Variants in RIMS1 observed in about 807,000 individuals in gnomAD.
The protein encoded by RIMS1 is regulating synaptic membrane exocytosis 1.
Under a neutral mutation model 214.1 loss-of-function variants are expected in RIMS1, and 83 were observed. The observed-to-expected ratio is 0.39, with a 90% CI of 0.32 to 0.47. RIMS1 has a LOEUF of 0.47. Among genes scored for constraint, RIMS1 ranks in the 20% least tolerant of loss-of-function variants. The pLI is 0.99. For synonymous variants in RIMS1, 793 were observed against 786.8 expected (o/e 1.01, Z -0.13); for missense variants, 2,050 against 2,161.8 (o/e 0.95, Z 1.03).
intron 2 of RIMS1, among the ~76,000 whole-genome samples, chr6:72,013,100 C>T (rs1331777072): frequency 6.6e-6 from 1 of 152,130 alleles, no homozygotes; most frequent in African/African-American, 2.4e-5. Context: ...CTCTTAAAGT[C>T]CCTTCAAGCA....
At chr6:72,294,173 A>G (rs1379414741) in intron 26 of RIMS1, among the ~76,000 whole-genome samples, 7 of 151,860 alleles carry the variant, frequency 4.6e-5, no homozygotes, top group Non-Finnish European at 8.9e-5. Context: ...TGAACAGTCC[A>G]CATGACAGCT....
intron 28 of RIMS1, chr6:72,316,880 G>A: frequency 2.9e-6 from 3 of 1,018,126 alleles, no homozygotes; most frequent in Admixed American, 3.5e-5. Context: ...GCCCCCAGGG[G>A]GAGGCCCTGT....
intron 2 of RIMS1, among the ~76,000 whole-genome samples, chr6:71,994,261 G>A (rs546108596): frequency 1.2e-4 from 18 of 152,212 alleles, no homozygotes; most frequent in Middle Eastern, 3.4e-3. Flanking sequence ...TTTGGGGTTT[G>A]GCAAAACATT....
chr6:71,925,804 T>C (rs1020663024), intron 1 of RIMS1, among the ~76,000 whole-genome samples: 2 of 152,238 alleles, frequency 1.3e-5, no homozygotes, highest in Non-Finnish European at 1.5e-5. Context: ...GGATTGGCTT[T>C]AGTCCAAGTG....
chr6:71,924,911 G>T (rs1781162384), intron 1 of RIMS1, among the ~76,000 whole-genome samples: 1 of 149,552 alleles, frequency 6.7e-6, no homozygotes. Context: ...CGAATATTAA[G>T]ATGTTACATT....
At chr6:71,903,250 G>C (rs948745448) in intron 1 of RIMS1, among the ~76,000 whole-genome samples, 1 of 152,054 alleles carries the variant, frequency 6.6e-6, no homozygotes, top group Non-Finnish European at 1.5e-5. Flanking sequence ...TCTCATTGTG[G>C]TTTTGATTTG....
At chr6:72,000,063 A>T (rs959886489) in intron 2 of RIMS1, among the ~76,000 whole-genome samples, 1 of 152,036 alleles carries the variant, frequency 6.6e-6, no homozygotes, top group African/African-American at 2.4e-5. Context: ...CTTTTTAGTC[A>T]TTTTAATCAG....
chr6:72,213,505 T>G (rs1169036266), intron 6 of RIMS1, among the ~76,000 whole-genome samples: 1 of 152,156 alleles, frequency 6.6e-6, no homozygotes, highest in Non-Finnish European at 1.5e-5. Context: ...AAGGGAGATT[T>G]GAAGATTAGA....
chr6:72,042,000 T>G (rs377219072), intron 2 of RIMS1, among the ~76,000 whole-genome samples: 35 of 152,058 alleles, frequency 2.3e-4, no homozygotes, highest in Admixed American at 7.2e-4. Flanking sequence ...CTCCCCATGA[T>G]AGGAAAATTT....
intron 26 of RIMS1, among the ~76,000 whole-genome samples, chr6:72,306,863 T>TATAG (rs2095220701): frequency 6.6e-6 from 1 of 152,236 alleles, no homozygotes; most frequent in Non-Finnish European, 1.5e-5. Flanking sequence ...AGCATGTGCA[T>TATAG]ATAGTGCGAT....
chr6:72,104,206 A>G (rs2034256029), intron 4 of RIMS1, among the ~76,000 whole-genome samples: 2 of 152,190 alleles, frequency 1.3e-5, no homozygotes, highest in South Asian at 4.1e-4. Context: ...CCAGTTGAAA[A>G]GACTGCTTTT....
At chr6:72,266,733 C>G (rs867139805) in intron 22 of RIMS1, among the ~76,000 whole-genome samples, 1 of 152,044 alleles carries the variant, frequency 6.6e-6, no homozygotes, top group South Asian at 2.1e-4. Context: ...CTGTAAGCAT[C>G]TAATTTTTCC....
In RIMS1 at chr6:72,161,685, T is replaced by C. The variant is rs918422433; in HGVS notation, c.472-17890T>C. 1.8e-4 allele frequency among the ~76,000 whole-genome samples: 26 copies of C among 140,552 alleles called. 2 individuals are homozygous for C. The highest frequency in any genetic ancestry group is 5.9e-4 in the African/African-American group (24 of 40,648). 92.2% of individuals were successfully genotyped at this position (140,552 alleles called of 152,430 possible). Reference sequence around the variant, plus strand: ...AGGAGGAGGTTGTTCAGTATCCATGTAGGTGAGCGGTTTTGAGTGAGTTTC... The same window carrying C: ...AGGAGGAGGTTGTTCAGTATCCATGCAGGTGAGCGGTTTTGAGTGAGTTTC... On this transcript the variant is annotated intron_variant, in intron 4 of 33. Transcript: ENST00000521978.
chr6:72,235,900 A>ATT (rs58950183), intron 8 of RIMS1, among the ~76,000 whole-genome samples, 172 bp downstream of exon 8: 1 of 151,374 alleles, frequency 6.6e-6, no homozygotes, highest in Non-Finnish European at 1.5e-5. Context: ...AAACTAATGT[A>ATT]TTCTGACTAT....
intron 2 of RIMS1, among the ~76,000 whole-genome samples, chr6:72,072,725 T>C (rs138877347): frequency 4.9e-4 from 75 of 152,220 alleles, no homozygotes; most frequent in African/African-American, 1.6e-3. Context: ...CCCAGTAAAA[T>C]GAAAACTAGT....
chr6:72,356,893 A>G (rs1468501878), intron 29 of RIMS1, among the ~76,000 whole-genome samples: 1 of 152,174 alleles, frequency 6.6e-6, no homozygotes, highest in Non-Finnish European at 1.5e-5. Context: ...TCTAAATTCT[A>G]CCTTTATCTT....
At chr6:71,930,434 T>G (rs981359763) in intron 1 of RIMS1, among the ~76,000 whole-genome samples, 1 of 152,056 alleles carries the variant, frequency 6.6e-6, no homozygotes, top group Non-Finnish European at 1.5e-5. Context: ...CTTTCAGATT[T>G]TAGAAGGTCT....
intron 2 of RIMS1, among the ~76,000 whole-genome samples, chr6:72,089,421 C>T (rs563079491): frequency 1.3e-5 from 2 of 152,156 alleles, no homozygotes; most frequent in South Asian, 2.1e-4. Context: ...CTGCGGCTTC[C>T]TGATTGAGGA....
At position 71,950,111 on chromosome 6, in the gene RIMS1, A is replaced by T. The variant is rs116226129; in HGVS notation, c.165-18872A>T. 8.6e-3 allele frequency among the ~76,000 whole-genome samples: 1,303 copies of T among 152,286 alleles called. 18 individuals are homozygous for T. The highest frequency in any genetic ancestry group is 0.029 in the African/African-American group (1,214 of 41,568). ...CTAAGTGAAAGAAGTCAGACAAAAA[A>T]CTACATATTAGATTATTTCATTTAC... On this transcript the variant is annotated intron_variant, in intron 1 of 33. Transcript: ENST00000521978.
Sources: allele counts gnomAD v4.1 joint callset (sites outside exome capture counted in the v4.1 genomes callset), GRCh38; gene constraint gnomAD v4.1.1; transcripts MANE v1.5; gene names NCBI Gene and HGNC (gene_info 2026-07-23, HGNC 2026-07-21).